ASH1L: variants seen among roughly 807,000 people sequenced by gnomAD.
ASH1L encodes the protein ASH1 like histone lysine methyltransferase.
A neutral mutation model predicts 269.0 loss-of-function variants in ASH1L; 23 were observed. The observed-to-expected ratio is 0.09, with a 90% CI of 0.06 to 0.12. The LOEUF (loss-of-function observed/expected upper bound fraction) is 0.12, where lower values mean the gene tolerates loss of function less well. Among genes scored for constraint, ASH1L ranks in the 10% least tolerant of loss-of-function variants. The pLI is 1.00. For missense variants in ASH1L, 2,912 were observed against 3,567.8 expected (o/e 0.82, Z 4.68); for synonymous variants, 1,187 against 1,253.5 (o/e 0.95, Z 1.12).
At chr1:155,413,703 T>TAA (rs1659986443) in intron 6 of ASH1L, among the ~76,000 whole-genome samples, 1 of 152,160 alleles carries the variant, frequency 6.6e-6, no homozygotes, top group East Asian at 1.9e-4. Context: ...TGGACTCTAG[T>TAA]AACTATCTTG....
intron 3 of ASH1L, among the ~76,000 whole-genome samples, chr1:155,474,665 C>G (rs1395377945): frequency 1.3e-5 from 2 of 152,228 alleles, no homozygotes; most frequent in South Asian, 4.2e-4. Context: ...TGCCACTGCA[C>G]TCCAGCCTGG....
At chr1:155,547,637 C>A (rs1571129956) in intron 1 of ASH1L, among the ~76,000 whole-genome samples, 2 of 151,752 alleles carry the variant, frequency 1.3e-5, no homozygotes, top group African/African-American at 2.4e-5. Flanking sequence ...GCAGGAGAAT[C>A]GCTTGAACCC....
chr1:155,540,257 T>C (rs1338016613), intron 1 of ASH1L, among the ~76,000 whole-genome samples: 2 of 152,206 alleles, frequency 1.3e-5, no homozygotes, highest in East Asian at 1.9e-4. Context: ...TCCTGCTATA[T>C]TAATTTTGTG....
At chr1:155,429,091 G>T (rs1021032805) in intron 5 of ASH1L, among the ~76,000 whole-genome samples, 3 of 151,952 alleles carry the variant, frequency 2.0e-5, no homozygotes, top group African/African-American at 7.3e-5. Flanking sequence ...CAGTTTTTTT[G>T]GGCAATAACC....
rs553268604 is a variant in ASH1L at position 155,490,600 on chromosome 1, A to G, written c.421-8151T>C. 7.4e-4 allele frequency among the ~76,000 whole-genome samples: 109 copies of G among 147,450 alleles called. 3 individuals carry two copies. The South Asian group carries it at 0.022, about 30-fold the overall frequency. ...ACCACGGCACTCCAGTATGGGCTAC[A>G]CAGCCAGACTACGTCACACACACAC... On this transcript the variant is annotated intron_variant, in intron 2 of 27. Coordinates refer to ENST00000392403, the MANE Select transcript of ASH1L (RefSeq NM_018489.3).
At chr1:155,522,031 C>T (rs1047476717) in intron 1 of ASH1L, among the ~76,000 whole-genome samples, 1 of 152,112 alleles carries the variant, frequency 6.6e-6, no homozygotes, top group Non-Finnish European at 1.5e-5. Context: ...AAAAAATCAT[C>T]TTTTTTTGAT....
chr1:155,397,467 A>G (rs113040312), intron 6 of ASH1L, among the ~76,000 whole-genome samples: 275 of 151,884 alleles, frequency 1.8e-3, no homozygotes, highest in African/African-American at 6.5e-3. Context: ...ATTGTACTAC[A>G]GCCTAGACAA....
chr1:155,382,282 A>T (rs1657040553), intron 7 of ASH1L, among the ~76,000 whole-genome samples: 1 of 151,796 alleles, frequency 6.6e-6, no homozygotes, highest in Non-Finnish European at 1.5e-5. Flanking sequence ...GCAGATCATG[A>T]GGTCAGGAGA....
chr1:155,428,723 A>C (rs1169048173), intron 5 of ASH1L, among the ~76,000 whole-genome samples: 1 of 152,180 alleles, frequency 6.6e-6, no homozygotes, highest in East Asian at 1.9e-4. Flanking sequence ...AACTGGCCAA[A>C]CCCATCCCTT....
At chr1:155,519,885 C>T (rs1015137851) in intron 2 of ASH1L, among the ~76,000 whole-genome samples, 8 of 152,048 alleles carry the variant, frequency 5.3e-5, no homozygotes, top group Admixed American at 6.5e-5. Context: ...TCTCAAACTC[C>T]TGTCCTCAGG....
chr1:155,392,557 C>G (rs1037468368), intron 7 of ASH1L, among the ~76,000 whole-genome samples: 1 of 152,022 alleles, frequency 6.6e-6, no homozygotes, highest in East Asian at 1.9e-4. Context: ...AGCATGATCT[C>G]GGCTCTCTGC....
intron 2 of ASH1L, among the ~76,000 whole-genome samples, chr1:155,489,368 G>A (rs1182498712): frequency 1.3e-5 from 2 of 151,860 alleles, no homozygotes; most frequent in East Asian, 3.9e-4. Flanking sequence ...TAGCTACTCA[G>A]GAGGCTGAGG....
chr1:155,551,443 G>A (rs56747346), intron 1 of ASH1L, among the ~76,000 whole-genome samples: 39,037 of 149,146 alleles, frequency 0.26, 5,815 homozygotes, highest in East Asian at 0.72. Flanking sequence ...GGCGGATCAC[G>A]AGGTCAGGAG....
intron 1 of ASH1L, among the ~76,000 whole-genome samples, chr1:155,551,342 T>C (rs1206882185): frequency 6.6e-6 from 1 of 152,146 alleles, no homozygotes; most frequent in Non-Finnish European, 1.5e-5. Flanking sequence ...ATACCAGGAA[T>C]TTCTTCAGGA....
At chr1:155,381,308 A>G (rs1008240230) in intron 7 of ASH1L, among the ~76,000 whole-genome samples, 1 of 152,032 alleles carries the variant, frequency 6.6e-6, no homozygotes, top group African/African-American at 2.4e-5. Flanking sequence ...TAATCCCAGC[A>G]CTTTGGGAGG....
At chr1:155,381,394 C>CA in intron 7 of ASH1L, among the ~76,000 whole-genome samples, 1 of 150,908 alleles carries the variant, frequency 6.6e-6, no homozygotes, top group Non-Finnish European at 1.5e-5. Flanking sequence ...ATTAAAAATA[C>CA]AAAAAATTAG....
At chr1:155,378,755 C>A (rs1278765684) in intron 8 of ASH1L, among the ~76,000 whole-genome samples, 1 of 152,166 alleles carries the variant, frequency 6.6e-6, no homozygotes, top group Non-Finnish European at 1.5e-5. Context: ...TAAGATTCAA[C>A]AGAAGAAGCA....
At chr1:155,541,383 A>T (rs1670416903) in intron 1 of ASH1L, among the ~76,000 whole-genome samples, 1 of 152,072 alleles carries the variant, frequency 6.6e-6, no homozygotes, top group Non-Finnish European at 1.5e-5. Context: ...AGCACTATAT[A>T]CACCATGTAA....
rs760147359 is a variant in ASH1L at position 155,480,841 on chromosome 1, T to C, written c.2029A>G (p.Ser677Gly). 6.2e-7 allele frequency: 1 copy of C among 1,613,908 alleles called. No homozygotes were observed. Among genetic ancestry groups the C allele is most frequent in the Admixed American group, 1.7e-5 (1 of 59,992 alleles). Residue 677 changes from serine (S) to glycine (G), a missense_variant, in exon 3 of 28, where the codon AGT (serine) becomes GGT (glycine). Ser to Gly is a moderately conservative substitution (Grantham distance 56). Coordinates refer to ENST00000392403, the MANE Select transcript of ASH1L (RefSeq NM_018489.3). ...PSVVNFTSLF[S>G]NKPFLKLGAV... ...CCCAGTTTTAAAAAAGGCTTATTAC[T>C]AAATAAACTAGTGAAGTTAACAACT...
Sources: allele counts gnomAD v4.1 joint callset (sites outside exome capture counted in the v4.1 genomes callset), GRCh38; gene constraint gnomAD v4.1.1; transcripts MANE v1.5; gene names NCBI Gene and HGNC (gene_info 2026-07-23, HGNC 2026-07-21).